SGCZ: variants seen among roughly 807,000 people sequenced by gnomAD.
SGCZ encodes zeta-sarcoglycan.
SGCZ carries 40 observed loss-of-function variants against 41.3 expected under a neutral mutation model. The ratio of observed to expected loss-of-function variants is 0.97; its 90% CI spans 0.75 to 1.26. SGCZ has a LOEUF of 1.26. Ranked by LOEUF, SGCZ falls within the 50% of genes most tolerant of loss-of-function variation. SGCZ has a pLI of 0.00. For synonymous variants in SGCZ, 206 were observed against 137.5 expected, an observed-to-expected ratio of 1.50 and a Z score of -3.49; for missense variants, 552 against 369.8, an observed-to-expected ratio of 1.49 and a Z score of -4.04.
intron 1 of SGCZ, among the ~76,000 whole-genome samples, chr8:15,004,741 A>T (rs1802540555): frequency 6.6e-6 from 1 of 152,168 alleles, no homozygotes; most frequent in African/African-American, 2.4e-5. Flanking sequence ...CCCGATAACA[A>T]AAGTATGTAT....
chr8:14,874,507 C>T (rs1371509430), intron 1 of SGCZ, among the ~76,000 whole-genome samples: 1 of 151,906 alleles, frequency 6.6e-6, no homozygotes, highest in African/African-American at 2.4e-5. Flanking sequence ...TTTATCAAAC[C>T]CACATAAATA....
chr8:14,382,067 G>C (rs573694566), intron 2 of SGCZ, among the ~76,000 whole-genome samples: 1 of 152,216 alleles, frequency 6.6e-6, no homozygotes, highest in South Asian at 2.1e-4. Context: ...TTCAGTGAAA[G>C]CGGCAGGAAA....
At chr8:14,812,569 T>A (rs1462653141) in intron 1 of SGCZ, among the ~76,000 whole-genome samples, 1 of 152,100 alleles carries the variant, frequency 6.6e-6, no homozygotes, top group African/African-American at 2.4e-5. Context: ...AGACTGAGTA[T>A]CTTGTTTTGT....
At chr8:15,028,023 T>C (rs992235237) in intron 1 of SGCZ, among the ~76,000 whole-genome samples, 1 of 152,004 alleles carries the variant, frequency 6.6e-6, no homozygotes, top group African/African-American at 2.4e-5. Context: ...AGTAAGTAAA[T>C]GGTAGAGTCA....
chr8:14,261,783 A>G (rs1799676390), intron 3 of SGCZ, among the ~76,000 whole-genome samples: 1 of 152,144 alleles, frequency 6.6e-6, no homozygotes. Flanking sequence ...AAATTATTCC[A>G]TTTCATTAGG....
chr8:14,981,919 G>A (rs894405821), intron 1 of SGCZ, among the ~76,000 whole-genome samples: 2 of 152,166 alleles, frequency 1.3e-5, no homozygotes, highest in Non-Finnish European at 2.9e-5. Flanking sequence ...GGAGGCTGAA[G>A]CAGGCAGATC....
rs550713591 is a variant in SGCZ at position 14,865,060 on chromosome 8, G to T, written c.40-310134C>A. ...CTGGATTAATCCTTGTCAGATTTGT[G>T]TGTGTACACACATATATATATTCAT... On this transcript the variant is annotated intron_variant, in intron 1 of 7. Coordinates refer to ENST00000382080, the MANE Select transcript of SGCZ (RefSeq NM_139167.4). Among the ~76,000 whole-genome samples the T allele has an allele frequency of 1.2e-3, 181 of 152,022 alleles. 1 individual carries two copies. Among genetic ancestry groups the T allele is most frequent in the African/African-American group, 4.2e-3 (175 of 41,492 alleles).
At chr8:14,453,512 A>G (rs1295548285) in intron 2 of SGCZ, among the ~76,000 whole-genome samples, 1 of 152,200 alleles carries the variant, frequency 6.6e-6, no homozygotes, top group East Asian at 1.9e-4. Context: ...AAAGATTGAC[A>G]TAAAATCTGC....
At chr8:14,851,161 A>G (rs1262287605) in intron 1 of SGCZ, among the ~76,000 whole-genome samples, 3 of 152,078 alleles carry the variant, frequency 2.0e-5, no homozygotes, top group African/African-American at 7.2e-5. Context: ...CGAGGTCAGG[A>G]GATCGAGGCC....
intron 1 of SGCZ, among the ~76,000 whole-genome samples, chr8:14,776,852 G>A (rs915577747): frequency 6.6e-6 from 1 of 152,110 alleles, no homozygotes; most frequent in South Asian, 2.1e-4. Context: ...ACTCTTCATT[G>A]TGTTAAAATA....
intron 3 of SGCZ, among the ~76,000 whole-genome samples, chr8:14,243,382 G>A (rs1243999096): frequency 2.0e-5 from 3 of 152,026 alleles, no homozygotes; most frequent in Non-Finnish European, 2.9e-5. Flanking sequence ...GTTTTTCCAT[G>A]CCTACTTCTC....
chr8:14,859,407 A>C (rs1187123299), intron 1 of SGCZ, among the ~76,000 whole-genome samples: 1 of 152,128 alleles, frequency 6.6e-6, no homozygotes, highest in Non-Finnish European at 1.5e-5. Flanking sequence ...AGATAAAAAA[A>C]AAGGTAGACA....
intron 3 of SGCZ, among the ~76,000 whole-genome samples, chr8:14,253,218 CTTCT>C (rs1799346249): frequency 1.2e-5 from 1 of 83,970 alleles, no homozygotes; most frequent in African/African-American, 5.0e-5. Flanking sequence ...TAAAAATATG[CTTCT>C]AAAAAATAAG....
intron 1 of SGCZ, among the ~76,000 whole-genome samples, chr8:15,192,974 A>G (rs921994964): frequency 2.0e-5 from 3 of 152,112 alleles, no homozygotes; most frequent in Non-Finnish European, 2.9e-5. Flanking sequence ...ATCACAAATG[A>G]CACACTTTAC....
intron 1 of SGCZ, among the ~76,000 whole-genome samples, chr8:14,610,037 T>A (rs1805876454): frequency 6.6e-6 from 1 of 152,226 alleles, no homozygotes; most frequent in Admixed American, 6.5e-5. Context: ...CTTATTTAAA[T>A]CAATTGATAT....
chr8:14,200,557 A>G lies in SGCZ; in HGVS notation c.425-35855T>C, dbSNP rs181991787. ...CCAGTATGAGACCTGAACATATAAA[A>G]TAAATGATTTTCTGATCACAGATTC... On this transcript the variant is annotated intron_variant, in intron 4 of 7. Transcript: ENST00000382080. 7.6e-4 allele frequency among the ~76,000 whole-genome samples: 115 copies of G among 152,294 alleles called. 2 individuals carry two copies. Among genetic ancestry groups the G allele is most frequent in the Admixed American group, 3.3e-3 (50 of 15,292 alleles).
chr8:14,793,862 T>C (rs550743209), intron 1 of SGCZ, among the ~76,000 whole-genome samples: 1 of 152,132 alleles, frequency 6.6e-6, no homozygotes, highest in South Asian at 2.1e-4. Context: ...ACCTGGAATA[T>C]CATATCAATA....
chr8:14,135,138 C>G (rs188514295), intron 5 of SGCZ, among the ~76,000 whole-genome samples: 1 of 152,098 alleles, frequency 6.6e-6, no homozygotes, highest in Non-Finnish European at 1.5e-5. Flanking sequence ...AATTCCATTA[C>G]GCTTTCTACT....
intron 1 of SGCZ, among the ~76,000 whole-genome samples, chr8:14,909,910 T>C (rs1445626726): frequency 6.6e-6 from 1 of 152,126 alleles, no homozygotes; most frequent in Admixed American, 6.5e-5. Context: ...ACAGCATATT[T>C]CTATGCTTAG....
Sources: allele counts gnomAD v4.1 joint callset (sites outside exome capture counted in the v4.1 genomes callset), GRCh38; gene constraint gnomAD v4.1.1; transcripts MANE v1.5; gene names NCBI Gene and HGNC (gene_info 2026-07-23, HGNC 2026-07-21).